BCKDHB: variants seen among roughly 807,000 people sequenced by gnomAD.
BCKDHB encodes the protein 2-oxoisovalerate dehydrogenase subunit beta, mitochondrial.
A neutral mutation model predicts 48.5 loss-of-function variants in BCKDHB; 41 were observed. That is an observed-to-expected ratio of 0.85 (90% CI 0.66 to 1.10). The LOEUF (loss-of-function observed/expected upper bound fraction) is 1.10, where lower values mean the gene tolerates loss of function less well. Ranked by LOEUF, BCKDHB falls within the 50% of genes least tolerant of loss-of-function variation. BCKDHB has a pLI of 0.00. For synonymous variants in BCKDHB, 201 were observed against 174.8 expected (o/e 1.15, Z -1.18); for missense variants, 496 against 494.2 (o/e 1.00, Z -0.03).
intron 8 of BCKDHB, among the ~76,000 whole-genome samples, chr6:80,206,426 C>T (rs992266314): frequency 2.0e-5 from 3 of 151,974 alleles, no homozygotes; most frequent in African/African-American, 4.8e-5. Flanking sequence ...AGCAGAAGCA[C>T]AGCTGATCCA....
the BCKDHB span, among the ~76,000 whole-genome samples, chr6:80,395,977 G>A: frequency 6.6e-6 from 1 of 152,184 alleles, no homozygotes; most frequent in Non-Finnish European, 1.5e-5. Context: ...CAAAAACTGA[G>A]GTTTGAGAAC....
At chr6:80,204,748 C>A (rs1774560240) in intron 8 of BCKDHB, among the ~76,000 whole-genome samples, 2 of 152,036 alleles carry the variant, frequency 1.3e-5, no homozygotes, top group South Asian at 4.1e-4. Flanking sequence ...ACTAATACTT[C>A]ATTTTGGCAA....
the BCKDHB span, among the ~76,000 whole-genome samples, chr6:80,397,657 C>A: frequency 2.0e-5 from 3 of 152,118 alleles, no homozygotes; most frequent in African/African-American, 7.2e-5. Context: ...CCAAGACAGG[C>A]AGATCACTTA....
intron 5 of BCKDHB, chr6:80,169,826 T>G (rs767008320): frequency 3.1e-5 from 50 of 1,609,182 alleles, no homozygotes; most frequent in Non-Finnish European, 3.9e-5. Flanking sequence ...AGTTATAAGC[T>G]TATCTTAGTT....
intron 8 of BCKDHB, among the ~76,000 whole-genome samples, chr6:80,240,028 A>G (rs1776313893): frequency 6.6e-6 from 1 of 152,202 alleles, no homozygotes; most frequent in African/African-American, 2.4e-5. Flanking sequence ...GTTTGAAGTC[A>G]GGTAGCATGA....
intron 6 of BCKDHB, among the ~76,000 whole-genome samples, chr6:80,174,750 T>A (rs938297243): frequency 1.3e-5 from 2 of 152,116 alleles, no homozygotes; most frequent in Admixed American, 1.3e-4. Flanking sequence ...TATAGGGCAC[T>A]GAGGATGGGA....
intron 9 of BCKDHB, among the ~76,000 whole-genome samples, chr6:80,316,362 A>G (rs1768443338): frequency 7.1e-6 from 1 of 140,432 alleles, no homozygotes; most frequent in African/African-American, 2.6e-5. Flanking sequence ...ATATTCAGTG[A>G]AACTCAAACT....
At chr6:80,440,848 G>T in the BCKDHB span, 1 of 152,092 alleles carries the variant, frequency 6.6e-6, no homozygotes, top group South Asian at 2.1e-4. Context: ...ATAAGGTTCG[G>T]AGTGGACTCT....
intron 8 of BCKDHB, among the ~76,000 whole-genome samples, chr6:80,251,303 T>G (rs1188429184): frequency 1.3e-5 from 2 of 152,220 alleles, no homozygotes; most frequent in Non-Finnish European, 2.9e-5. Context: ...ATTTTTCAGA[T>G]AAGTTTTTGC....
chr6:80,455,751 A>C, the BCKDHB span, among the ~76,000 whole-genome samples: 1 of 152,024 alleles, frequency 6.6e-6, no homozygotes, highest in African/African-American at 2.4e-5. Flanking sequence ...TTAATGTTTT[A>C]ACAAACATTT....
chr6:80,112,066 G>A (rs1456811220), intron 1 of BCKDHB, among the ~76,000 whole-genome samples: 1 of 152,162 alleles, frequency 6.6e-6, no homozygotes, highest in Non-Finnish European at 1.5e-5. Flanking sequence ...CTTGAAAATT[G>A]CTTAGACTTA....
chr6:80,107,893 G>C (rs558483051), intron 1 of BCKDHB, among the ~76,000 whole-genome samples: 1 of 152,208 alleles, frequency 6.6e-6, no homozygotes, highest in South Asian at 2.1e-4. Context: ...AGAATATCAG[G>C]AAACTGTAGG....
At chr6:80,262,417 T>C (rs1000572884) in intron 8 of BCKDHB, among the ~76,000 whole-genome samples, 8 of 152,264 alleles carry the variant, frequency 5.3e-5, no homozygotes, top group Non-Finnish European at 2.9e-5. Context: ...TCCAGTATTT[T>C]ACATCTTTTG....
intron 9 of BCKDHB, among the ~76,000 whole-genome samples, chr6:80,328,319 A>G (rs1467161228): frequency 6.6e-6 from 1 of 152,300 alleles, no homozygotes. Context: ...TGATCAGTGT[A>G]CACTGGCAGT....
intron 6 of BCKDHB, among the ~76,000 whole-genome samples, chr6:80,193,884 A>G (rs751617807): frequency 1.4e-4 from 22 of 152,176 alleles, no homozygotes; most frequent in Non-Finnish European, 2.1e-4. Context: ...ATCTTCACAT[A>G]TTCATGTCTC....
intron 6 of BCKDHB, among the ~76,000 whole-genome samples, chr6:80,197,727 G>C (rs1774193582): frequency 1.3e-5 from 2 of 152,226 alleles, no homozygotes; most frequent in Non-Finnish European, 2.9e-5. Context: ...CTGGCATTCA[G>C]ATGTTGCTGC....
At chr6:80,395,050 G>T in the BCKDHB span, among the ~76,000 whole-genome samples, 1 of 152,176 alleles carries the variant, frequency 6.6e-6, no homozygotes, top group Non-Finnish European at 1.5e-5. Context: ...ATGTGGAACT[G>T]TGAATCAATT....
rs1249723207 is a variant in BCKDHB at position 80,203,120 on chromosome 6, G to A, written c.859G>A (p.Val287Ile). ...WGTQVHVIRE[V>I]ASMAKEKLGV... Reference sequence around the variant, plus strand: ...ATTTCAGGTTCATGTGATCCGAGAGGTAGCTTCCATGGCAAAAGAAAAGCT... The same window carrying A: ...ATTTCAGGTTCATGTGATCCGAGAGATAGCTTCCATGGCAAAAGAAAAGCT... The change falls in exon 8 of 10, where the codon GTA (valine) becomes ATA (isoleucine). Residue 287 changes from valine to isoleucine, a missense_variant. Coordinates refer to ENST00000320393, the MANE Select transcript of BCKDHB (RefSeq NM_183050.4). 1.9e-6 allele frequency: 3 copies of A among 1,612,148 alleles called. No homozygotes were observed. Among genetic ancestry groups the A allele is most frequent in the Admixed American group, 3.3e-5 (2 of 59,906 alleles).
the BCKDHB span, among the ~76,000 whole-genome samples, chr6:80,386,720 CTAAT>C: frequency 9.6e-5 from 14 of 145,098 alleles, no homozygotes; most frequent in Non-Finnish European, 1.8e-4. Flanking sequence ...CTCTGGCAGG[CTAAT>C]TAATCATGGT....
Sources: gnomAD v4.1 joint callset for allele counts (sites outside exome capture counted in the v4.1 genomes callset) on GRCh38, gnomAD v4.1.1 for gene constraint, MANE v1.5 for transcripts, NCBI Gene and HGNC (gene_info 2026-07-23, HGNC 2026-07-21) for gene names.